PTPRR: variants seen among roughly 807,000 people sequenced by gnomAD.
PTPRR encodes the protein receptor-type tyrosine-protein phosphatase R.
In PTPRR, 38 loss-of-function variants were observed where a neutral mutation model predicts 77.2. The observed-to-expected ratio is 0.49, with a 90% CI of 0.38 to 0.65. The LOEUF (loss-of-function observed/expected upper bound fraction) is 0.65. PTPRR is among the 30% of genes least tolerant of loss of function. The pLI is 0.00. For missense variants in PTPRR, 744 were observed against 799.2 expected, an observed-to-expected ratio of 0.93 and a Z score of 0.83; for synonymous variants, 299 against 283.1, an observed-to-expected ratio of 1.06 and a Z score of -0.57.
chr12:70,793,056 G>T (rs1891449304), intron 2 of PTPRR, among the ~76,000 whole-genome samples: 1 of 152,140 alleles, frequency 6.6e-6, no homozygotes, highest in African/African-American at 2.4e-5. Flanking sequence ...TTTAAGAAGG[G>T]ATGAGACAAT....
chr12:70,672,487 G>A (rs1566058534), intron 10 of PTPRR: 7 of 1,166,504 alleles, frequency 6.0e-6, no homozygotes, highest in Admixed American at 1.7e-5. Context: ...GGCTCATAAC[G>A]TGAGTGCTCA....
At chr12:70,823,033 C>G (rs192215455) in intron 2 of PTPRR, among the ~76,000 whole-genome samples, 4 of 151,160 alleles carry the variant, frequency 2.6e-5, no homozygotes, top group Non-Finnish European at 1.5e-5. Flanking sequence ...TTAAGTTTTG[C>G]TTTCTTTGCC....
chr12:70,782,833 TAATAAAAA>T (rs1287683185), intron 2 of PTPRR, among the ~76,000 whole-genome samples: 4 of 152,172 alleles, frequency 2.6e-5, no homozygotes, highest in Non-Finnish European at 5.9e-5. Flanking sequence ...ACTTAAAGTA[TAATAAAAA>T]AATAAACAAA....
intron 1 of PTPRR, among the ~76,000 whole-genome samples, chr12:70,914,146 T>C (rs1048554547): frequency 6.6e-6 from 1 of 152,124 alleles, no homozygotes; most frequent in Admixed American, 6.5e-5. Flanking sequence ...AGCAGAGTAT[T>C]GGTATTTAAG....
chr12:70,848,426 CAA>C (rs1892520917), intron 2 of PTPRR, among the ~76,000 whole-genome samples: 1 of 152,096 alleles, frequency 6.6e-6, no homozygotes, highest in Admixed American at 6.6e-5. Context: ...CTCCTGTGTT[CAA>C]GAGATTCTCC....
intron 6 of PTPRR, among the ~76,000 whole-genome samples, chr12:70,732,772 G>A (rs7132366): frequency 1.3e-5 from 2 of 151,860 alleles, no homozygotes; most frequent in African/African-American, 2.4e-5. Context: ...TGTTGGCCAA[G>A]CTGGTCTCAA....
intron 2 of PTPRR, among the ~76,000 whole-genome samples, chr12:70,769,673 T>G (rs1009179484): frequency 1.3e-5 from 2 of 152,034 alleles, no homozygotes; most frequent in Admixed American, 6.5e-5. Flanking sequence ...AAAGTTCATA[T>G]GGAACCAAAA....
chr12:70,907,803 T>C (rs1048437285), intron 1 of PTPRR, among the ~76,000 whole-genome samples: 30 of 152,112 alleles, frequency 2.0e-4, no homozygotes, highest in African/African-American at 7.2e-4. Flanking sequence ...CAAAGGATAC[T>C]GGGAGGAGAG....
At chr12:70,758,642 G>A (rs546712370) in intron 4 of PTPRR, among the ~76,000 whole-genome samples, 121 of 152,096 alleles carry the variant, frequency 8.0e-4, no homozygotes, top group Middle Eastern at 6.8e-3. Flanking sequence ...TGCACAAGCG[G>A]AACTGCTTCA....
At chr12:70,897,051 C>A (rs1316292711) in intron 1 of PTPRR, among the ~76,000 whole-genome samples, 1 of 151,794 alleles carries the variant, frequency 6.6e-6, no homozygotes. Context: ...AGCGTGATGC[C>A]TCCAGCTTTG....
chr12:70,920,309 G>T (rs751452757), intron 1 of PTPRR, 24 bp downstream of exon 1: 1 of 1,609,114 alleles, frequency 6.2e-7, no homozygotes, highest in Admixed American at 1.7e-5. Flanking sequence ...CACAGCTCCG[G>T]CTCTAAGCCT....
chr12:70,844,439 A>G (rs1892450002), intron 2 of PTPRR, among the ~76,000 whole-genome samples: 2 of 152,222 alleles, frequency 1.3e-5, no homozygotes, highest in Non-Finnish European at 2.9e-5. Context: ...AGTTTTGATC[A>G]TATCACATAA....
At chr12:70,831,888 T>C (rs905416610) in intron 2 of PTPRR, among the ~76,000 whole-genome samples, 2 of 152,196 alleles carry the variant, frequency 1.3e-5, no homozygotes, top group Non-Finnish European at 2.9e-5. Context: ...GGGTTCTTCT[T>C]GTAGCACTCT....
chr12:70,684,097 T>A, intron 10 of PTPRR, 30 bp downstream of exon 10: 1 of 1,608,158 alleles, frequency 6.2e-7, no homozygotes, highest in Non-Finnish European at 8.5e-7. Flanking sequence ...AGAACACATA[T>A]AACATTCAGA....
chr12:70,681,352 G>A (rs144943227), intron 10 of PTPRR, among the ~76,000 whole-genome samples: 1 of 152,246 alleles, frequency 6.6e-6, no homozygotes, highest in African/African-American at 2.4e-5. Flanking sequence ...CTGGGGCATT[G>A]CAGCCATGTG....
chr12:70,648,450 T>G (rs951156504), intron 13 of PTPRR, among the ~76,000 whole-genome samples: 2 of 152,194 alleles, frequency 1.3e-5, no homozygotes, highest in Non-Finnish European at 2.9e-5. Flanking sequence ...CACTTAAGCT[T>G]TGTTGTGAGT....
At chr12:70,681,683 T>C (rs993582691) in intron 10 of PTPRR, among the ~76,000 whole-genome samples, 1 of 152,220 alleles carries the variant, frequency 6.6e-6, no homozygotes, top group African/African-American at 2.4e-5. Flanking sequence ...TTCTTATTTG[T>C]TGTTTTGGCT....
At chr12:70,672,209 T>A in intron 10 of PTPRR, 2 of 1,575,234 alleles carry the variant, frequency 1.3e-6, no homozygotes, top group Non-Finnish European at 1.7e-6. Flanking sequence ...GGAAGTGACC[T>A]CCCTGGCTCC....
intron 6 of PTPRR, among the ~76,000 whole-genome samples, chr12:70,706,074 G>C (rs758803582): frequency 1.4e-4 from 21 of 152,128 alleles, no homozygotes; most frequent in Middle Eastern, 6.8e-3. Flanking sequence ...AATAACAAAG[G>C]AGACAAAAGT....
Sources: gnomAD v4.1 joint callset for allele counts (sites outside exome capture counted in the v4.1 genomes callset) on GRCh38, gnomAD v4.1.1 for gene constraint, MANE v1.5 for transcripts, NCBI Gene and HGNC (gene_info 2026-07-23, HGNC 2026-07-21) for gene names.